The following USH2A variants were observed in gnomAD, a reference collection of about 807,000 sequenced individuals.
USH2A encodes the protein usherin.
In USH2A, 443 loss-of-function variants were observed where a neutral mutation model predicts 538.9. That is an observed-to-expected ratio of 0.82 (90% CI 0.76 to 0.89). The LOEUF (loss-of-function observed/expected upper bound fraction) is 0.89, where lower values mean the gene tolerates loss of function less well. Ranked by LOEUF, USH2A falls within the 40% of genes least tolerant of loss-of-function variation. USH2A has a pLI of 0.00. For synonymous variants in USH2A, 2,413 were observed against 2,273.5 expected (o/e 1.06, Z -1.75); for missense variants, 6,633 against 6,324.8 (o/e 1.05, Z -1.65).
chr1:216,062,890 T>C (rs564806871), intron 30 of USH2A, among the ~76,000 whole-genome samples: 4 of 152,276 alleles, frequency 2.6e-5, no homozygotes, highest in Admixed American at 6.5e-5. Flanking sequence ...AAGAGCTTAT[T>C]ATACAACAAA....
rs960413900 is a variant in USH2A at position 216,325,998 on chromosome 1, T to C, written c.849-399A>G. Among the ~76,000 whole-genome samples, 9 of 152,326 alleles carry C rather than the reference T, an allele frequency of 5.9e-5. No homozygotes were observed. In the South Asian group the frequency reaches 6.2e-4, roughly 11 times the overall value. On this transcript the variant is annotated intron_variant, in intron 5 of 71. Transcript: ENST00000307340. ...AATATATGGAGAACAATGAGAGTTA[T>C]AGATAATGTTTTCAGTTCATCCATG...
At chr1:216,295,397 C>T (rs1250654230) in intron 9 of USH2A, among the ~76,000 whole-genome samples, 1 of 151,372 alleles carries the variant, frequency 6.6e-6, no homozygotes, top group East Asian at 1.9e-4. Flanking sequence ...CATTTATAAT[C>T]ATAAATGAGA....
intron 35 of USH2A, among the ~76,000 whole-genome samples, chr1:215,990,726 A>AGGGTGATG (rs1191751540): frequency 1.3e-5 from 2 of 150,592 alleles, no homozygotes; most frequent in South Asian, 2.1e-4. Flanking sequence ...AGGTAAGGAC[A>AGGGTGATG]GGGTGATGAC....
At chr1:215,885,471 T>A (rs534562130) in intron 41 of USH2A, among the ~76,000 whole-genome samples, 7 of 152,358 alleles carry the variant, frequency 4.6e-5, no homozygotes, top group African/African-American at 1.4e-4. Context: ...AGAGCATTTT[T>A]ACCAACCTTA....
chr1:216,186,434 T>A (rs2034605754), intron 20 of USH2A, among the ~76,000 whole-genome samples: 1 of 151,786 alleles, frequency 6.6e-6, no homozygotes, highest in Admixed American at 6.6e-5. Flanking sequence ...AATTCTCTCT[T>A]CCCTTGACTT....
chr1:215,881,828 T>C (rs1283574383), intron 41 of USH2A, among the ~76,000 whole-genome samples: 1 of 152,192 alleles, frequency 6.6e-6, no homozygotes, highest in African/African-American at 2.4e-5. Context: ...TTTCCATTTT[T>C]TCTGTTTATT....
chr1:215,865,023 G>C (rs531329279), intron 44 of USH2A, among the ~76,000 whole-genome samples: 43 of 152,100 alleles, frequency 2.8e-4, no homozygotes, highest in Non-Finnish European at 5.7e-4. Context: ...CCACTGCAAA[G>C]TATTTTCAAT....
intron 21 of USH2A, among the ~76,000 whole-genome samples, chr1:216,167,218 C>A (rs115339252): frequency 0.011 from 1,749 of 152,102 alleles, 36 homozygotes; most frequent in African/African-American, 0.041. Context: ...TGGGCAGGGT[C>A]AGAGAAGCAC....
At chr1:216,416,846 C>CA (rs1315543047) in intron 3 of USH2A, among the ~76,000 whole-genome samples, 1 of 151,990 alleles carries the variant, frequency 6.6e-6, no homozygotes, top group African/African-American at 2.4e-5. Context: ...ATTGTTGATA[C>CA]AAAAATATGC....
At chr1:216,230,432 T>C (rs1377507322) in intron 14 of USH2A, among the ~76,000 whole-genome samples, 1 of 152,192 alleles carries the variant, frequency 6.6e-6, no homozygotes, top group Admixed American at 6.5e-5. Context: ...AGGTAACATT[T>C]CTACGGTGAT....
rs748840521 is a variant in USH2A at position 215,650,606 on chromosome 1, C to T, written c.14329G>A (p.Gly4777Arg). 6.2e-7 allele frequency: 1 copy of T among 1,614,144 alleles called. No homozygotes were observed. Among genetic ancestry groups the T allele is most frequent in the South Asian group, 1.1e-5 (1 of 91,078 alleles). ...LYRLFSSSAH[G>R]AETVLSEGMA... Reference sequence around the variant, plus strand: ...CTGCTGCTCACCACTGTCTCAGCCCCATGGGCGCTGCTGGAGAACAGCCTG... The same window carrying T: ...CTGCTGCTCACCACTGTCTCAGCCCTATGGGCGCTGCTGGAGAACAGCCTG... Residue 4777 changes from glycine (G) to arginine (R), a missense_variant, in exon 65 of 72, where the codon GGG (glycine) becomes AGG (arginine). Transcript: ENST00000307340.
intron 32 of USH2A, among the ~76,000 whole-genome samples, chr1:216,018,736 TA>T (rs1379449554): frequency 3.9e-5 from 6 of 152,132 alleles, no homozygotes; most frequent in Non-Finnish European, 8.8e-5. Flanking sequence ...TTCTAATCAA[TA>T]TGGAAAAATC....
At chr1:215,778,382 A>G (rs1034813263) in intron 55 of USH2A, among the ~76,000 whole-genome samples, 1 of 152,106 alleles carries the variant, frequency 6.6e-6, no homozygotes, top group African/African-American at 2.4e-5. Flanking sequence ...TTAGCCCAGG[A>G]TCTTGAGGTA....
intron 3 of USH2A, among the ~76,000 whole-genome samples, chr1:216,391,391 G>A (rs1409239976): frequency 2.0e-5 from 3 of 152,088 alleles, no homozygotes; most frequent in African/African-American, 7.2e-5. Flanking sequence ...GGTCATAGAT[G>A]CCCCAAGATC....
At chr1:216,060,515 T>C (rs1008161916) in intron 30 of USH2A, among the ~76,000 whole-genome samples, 1 of 152,232 alleles carries the variant, frequency 6.6e-6, no homozygotes, top group Non-Finnish European at 1.5e-5. Flanking sequence ...TGTAGATATA[T>C]GTGAGTCATC....
At position 216,292,183 on chromosome 1, in the gene USH2A, T is replaced by C; in HGVS notation, c.1832A>G (p.Asn611Ser). 1 of 1,614,080 alleles carries C rather than the reference T, an allele frequency of 6.2e-7. No individual in the cohort carries two copies. Among genetic ancestry groups the C allele is most frequent in the East Asian group, 2.2e-5 (1 of 44,860 alleles). The change falls in exon 10 of 72, where the codon AAC becomes AGC. Residue 611 changes from asparagine to serine, a missense_variant. By Grantham distance (46) the Asn-to-Ser change is conservative. Coordinates refer to ENST00000307340, the MANE Select transcript of USH2A (RefSeq NM_206933.4). ...ATTTATTTGCTACTTACCTGTAGTG[T>C]TATGCTCACAATCATCACAAACTCC... ...GGGVCDDCEH[N>S]TTGRNCELCK...
At chr1:216,246,170 A>C (rs1256759170) in intron 13 of USH2A, among the ~76,000 whole-genome samples, 1 of 152,208 alleles carries the variant, frequency 6.6e-6, no homozygotes, top group Non-Finnish European at 1.5e-5. Flanking sequence ...TTCAGCAAAA[A>C]CATTTAGCCA....
At chr1:215,815,628 CAT>C (rs1460543110) in intron 48 of USH2A, among the ~76,000 whole-genome samples, 4 of 152,022 alleles carry the variant, frequency 2.6e-5, no homozygotes, top group Non-Finnish European at 2.9e-5. Context: ...TTAGCCTAAA[CAT>C]AGGTAAATAT....
rs77928166 is a variant in USH2A at position 216,004,841 on chromosome 1, A to G, written c.6326-4279T>C. On this transcript the variant is annotated intron_variant, in intron 32 of 71. Coordinates refer to ENST00000307340, the MANE Select transcript of USH2A (RefSeq NM_206933.4). ...GAGGAGAATCTAGTTCAAAAGTGAAAGAGTTGAACTTGGAACAGAGACAAT... is the reference window on the plus strand; with the variant it reads ...GAGGAGAATCTAGTTCAAAAGTGAAGGAGTTGAACTTGGAACAGAGACAAT... Among the ~76,000 whole-genome samples, 106 of 152,306 alleles carry G rather than the reference A, an allele frequency of 7.0e-4. 1 individual carries two copies. The East Asian group carries it at 0.014, about 19-fold the overall frequency.
Sources: allele counts gnomAD v4.1 joint callset (sites outside exome capture counted in the v4.1 genomes callset), GRCh38; gene constraint gnomAD v4.1.1; transcripts MANE v1.5; gene names NCBI Gene and HGNC (gene_info 2026-07-23, HGNC 2026-07-21).